Variants in APH1B observed in about 807,000 individuals in gnomAD.
The protein encoded by APH1B is gamma-secretase subunit APH-1B.
Under a neutral mutation model 28.2 loss-of-function variants are expected in APH1B, and 27 were observed. That is an observed-to-expected ratio of 0.96 (90% confidence interval 0.70 to 1.32). The LOEUF is 1.32. Ranked by LOEUF, APH1B falls within the 40% of genes most tolerant of loss-of-function variation. APH1B has a pLI of 0.00. For synonymous variants in APH1B, 141 were observed against 124.6 expected, an observed-to-expected ratio of 1.13 and a Z score of -0.88; for missense variants, 305 against 313.6, an observed-to-expected ratio of 0.97 and a Z score of 0.21.
chr15:63,287,208 G>A lies in APH1B; in HGVS notation c.356-216G>A, dbSNP rs8029599. 1.3e-3 allele frequency: 673 copies of A among 518,214 alleles called. 4 individuals carry two copies. Among genetic ancestry groups the A allele is most frequent in the African/African-American group, 0.012 (628 of 51,178 alleles). The allele number at this position is 518,214 out of a possible 1,614,324, so 32.1% of individuals were successfully genotyped here. A position where few individuals can be genotyped will look rare whatever the true frequency, so the allele number is the denominator to read the frequency against. ...CTTTTCTCCCCTTTTTCATTACTCT[G>A]CTGCATTCTGCCATTCATTTCCTTT... On this transcript the variant is annotated intron_variant, in intron 3 of 5. Coordinates refer to ENST00000261879, the MANE Select transcript of APH1B (RefSeq NM_031301.4).
At chr15:63,300,649 C>T (rs1453529425) in intron 4 of APH1B, among the ~76,000 whole-genome samples, 4 of 152,148 alleles carry the variant, frequency 2.6e-5, no homozygotes, top group Non-Finnish European at 5.9e-5. Context: ...TCTGCCATAG[C>T]GTCAAAACTT....
intron 4 of APH1B, among the ~76,000 whole-genome samples, chr15:63,296,933 C>T (rs1337159194): frequency 1.3e-5 from 2 of 152,110 alleles, no homozygotes; most frequent in African/African-American, 4.8e-5. Flanking sequence ...TGAGCCACCC[C>T]GCCCGGCTGT....
intron 4 of APH1B, among the ~76,000 whole-genome samples, chr15:63,299,743 A>G (rs2038604884): frequency 6.6e-6 from 1 of 152,028 alleles, no homozygotes; most frequent in African/African-American, 2.4e-5. Context: ...CCTTGACTAT[A>G]GGAGCATAAT....
At position 63,286,547 on chromosome 15, in the gene APH1B, T is replaced by C; in HGVS notation, c.285-11T>C. The C allele has an allele frequency of 6.3e-7, 1 of 1,582,918 alleles. No homozygotes were observed. The highest frequency in any genetic ancestry group is 1.2e-5 in the South Asian group (1 of 84,442). ...TTTTTCTTCTTAATTACATGTGTGG[T>C]TTTATTTTAGAAAAGCCAGTGAAGG... On this transcript the variant is annotated splice_polypyrimidine_tract_variant and intron_variant, in intron 2 of 5. Coordinates refer to ENST00000261879, the MANE Select transcript of APH1B (RefSeq NM_031301.4).
intron 4 of APH1B, among the ~76,000 whole-genome samples, chr15:63,295,365 C>G (rs1379846670): frequency 6.6e-6 from 1 of 152,222 alleles, no homozygotes; most frequent in African/African-American, 2.4e-5. Context: ...CTCATGATCC[C>G]AATGGCAGCT....
rs2038358528 is a variant in APH1B, at chr15:63,279,188, G to C, written c.141G>C (p.Leu47=). 2 of 1,606,904 alleles carry C rather than the reference G, an allele frequency of 1.2e-6. No homozygotes were observed. The highest frequency in any genetic ancestry group is 1.7e-6 in the Non-Finnish European group (2 of 1,175,624). Residue 47 remains leucine (L), a synonymous_variant, in exon 2 of 6, where the codon CTG becomes CTC. Transcript: ENST00000261879. Reference sequence around the variant, plus strand: ...CTTTCTTCTGGTTGGTGTCTCTACTGATTTCGTCCCTTGTTTGGTTCATGG... The same window carrying C: ...CTTTCTTCTGGTTGGTGTCTCTACTCATTTCGTCCCTTGTTTGGTTCATGG... ...AGAFFWLVSL[L]ISSLVWFMAR...
chr15:63,288,902 A>G (rs1409279738), intron 4 of APH1B, among the ~76,000 whole-genome samples: 2 of 152,212 alleles, frequency 1.3e-5, no homozygotes, highest in South Asian at 2.1e-4. Flanking sequence ...CTGTTTTCAT[A>G]TACAGTTAAC....
intron 4 of APH1B, among the ~76,000 whole-genome samples, chr15:63,295,547 T>C (rs2038556618): frequency 6.6e-6 from 1 of 152,232 alleles, no homozygotes; most frequent in Admixed American, 6.5e-5. Flanking sequence ...GAGCAGGAGT[T>C]AGAGCAGGGT....
At chr15:63,279,060 A>C in intron 1 of APH1B, 101 bp from the exon 2 acceptor site, 3 of 958,972 alleles carry the variant, frequency 3.1e-6, no homozygotes, top group Non-Finnish European at 4.3e-6. Context: ...ACGTCAAGAA[A>C]TCTCTTCCTT....
chr15:63,299,731 G>C (rs1309365398), intron 4 of APH1B, among the ~76,000 whole-genome samples: 1 of 151,940 alleles, frequency 6.6e-6, no homozygotes, highest in East Asian at 1.9e-4. Context: ...ATGAACTGTA[G>C]GCCTTGACTA....
chr15:63,278,891 T>G (rs1184912387), intron 1 of APH1B, among the ~76,000 whole-genome samples: 1 of 152,132 alleles, frequency 6.6e-6, no homozygotes, highest in Non-Finnish European at 1.5e-5. Flanking sequence ...GCAGATAGAG[T>G]CTGCAGATGT....
In APH1B at chr15:63,291,373, A is replaced by G. The variant is rs1452426504; in HGVS notation, c.478+3827A>G. Among the ~76,000 whole-genome samples, 4 of 152,180 alleles carry G rather than the reference A, an allele frequency of 2.6e-5. No homozygotes were observed. In the East Asian group the frequency reaches 5.8e-4, roughly 22 times the overall value. On this transcript the variant is annotated intron_variant, in intron 4 of 5. Transcript: ENST00000261879. ...TTTATTTTAAAAAATTCCCCAGACC[A>G]TTTCACTTCTATTATATTTTCTAGA... is the stretch of plus-strand genomic sequence containing the variant.
chr15:63,279,444 G>A lies in APH1B; in HGVS notation c.284+113G>A, dbSNP rs887441920. 5.5e-6 allele frequency: 5 copies of A among 902,318 alleles called. No homozygotes were observed. In the African/African-American group the frequency reaches 6.7e-5, roughly 12 times the overall value. 55.9% of individuals were successfully genotyped at this position (902,318 alleles called of 1,614,324 possible). A position where few individuals can be genotyped will look rare whatever the true frequency, so the allele number is the denominator to read the frequency against. ...TCTATGCCCTCCTACATAGTACTAA[G>A]CCAAGAGATTGGTACATTTCCAGCC... On this transcript the variant is annotated intron_variant, in intron 2 of 5. Coordinates refer to ENST00000261879, the MANE Select transcript of APH1B (RefSeq NM_031301.4).
chr15:63,280,275 G>A (rs1275940295), intron 2 of APH1B, among the ~76,000 whole-genome samples: 1 of 152,160 alleles, frequency 6.6e-6, no homozygotes, highest in African/African-American at 2.4e-5. Flanking sequence ...TAGGACTCAC[G>A]AGGACCTCAC....
At position 63,287,482 on chromosome 15, in the gene APH1B, T is replaced by A; in HGVS notation, c.414T>A (p.Ser138=). The change falls in exon 4 of 6, where the codon TCT becomes TCA. Residue 138 remains serine, a synonymous_variant. Coordinates refer to ENST00000261879, the MANE Select transcript of APH1B (RefSeq NM_031301.4). ...SGVFSFVNTL[S]DSLGPGTVGI... ...TATTTTCCTTTGTGAATACCCTATC[T>A]GACTCCTTGGGGCCAGGCACAGTGG... 6.2e-7 allele frequency: 1 copy of A among 1,614,100 alleles called. No homozygotes were observed. Among genetic ancestry groups the A allele is most frequent in the Non-Finnish European group, 8.5e-7 (1 of 1,179,932 alleles).
intron 5 of APH1B, among the ~76,000 whole-genome samples, chr15:63,303,064 A>G (rs1469443014): frequency 2.6e-5 from 4 of 152,252 alleles, no homozygotes; most frequent in African/African-American, 9.6e-5. Context: ...CAAAATGTTC[A>G]TAGTAGTTCT....
chr15:63,302,270 G>T, intron 4 of APH1B, 75 bp from the exon 5 acceptor site: 1 of 1,537,842 alleles, frequency 6.5e-7, no homozygotes, highest in Non-Finnish European at 8.8e-7. Flanking sequence ...CACCCCGAGA[G>T]CCCGTGCACA....
intron 4 of APH1B, among the ~76,000 whole-genome samples, chr15:63,292,553 T>A (rs2038516018): frequency 6.6e-6 from 1 of 151,568 alleles, no homozygotes. Context: ...TATGCCCAGC[T>A]AATTTTTGTA....
chr15:63,277,767 C>T, intron 1 of APH1B, 31 bp downstream of exon 1: 1 of 1,592,604 alleles, frequency 6.3e-7, no homozygotes, highest in Non-Finnish European at 8.6e-7. Context: ...AACCCGGACG[C>T]CGGGGCTCCC....
Sources: gnomAD v4.1 joint callset for allele counts (sites outside exome capture counted in the v4.1 genomes callset) on GRCh38, gnomAD v4.1.1 for gene constraint, MANE v1.5 for transcripts, NCBI Gene and HGNC (gene_info 2026-07-23, HGNC 2026-07-21) for gene names.